RPS6KA2: variants seen among roughly 807,000 people sequenced by gnomAD.
The protein encoded by RPS6KA2 is ribosomal protein S6 kinase A2, also known as ribosomal protein S6 kinase alpha-2.
RPS6KA2 carries 42 observed loss-of-function variants against 91.8 expected under a neutral mutation model. That is an observed-to-expected ratio of 0.46 (90% CI 0.36 to 0.59). The LOEUF is 0.59. RPS6KA2 is among the 20% of genes least tolerant of loss of function. The pLI, the probability that RPS6KA2 is intolerant of heterozygous loss-of-function variation, is 0.00. For synonymous variants in RPS6KA2, 414 were observed against 393.6 expected, an observed-to-expected ratio of 1.05 and a Z score of -0.61; for missense variants, 798 against 978.5, an observed-to-expected ratio of 0.82 and a Z score of 2.46.
intron 6 of RPS6KA2, among the ~76,000 whole-genome samples, chr6:166,503,261 C>T (rs1202565509): frequency 1.3e-5 from 2 of 152,194 alleles, no homozygotes; most frequent in East Asian, 1.9e-4. Flanking sequence ...TGGCGTTCCA[C>T]GGACTGGTGG....
intron 1 of RPS6KA2, among the ~76,000 whole-genome samples, chr6:166,619,016 C>T (rs781480726): frequency 2.0e-5 from 3 of 150,186 alleles, no homozygotes; most frequent in African/African-American, 5.0e-5. Flanking sequence ...ATCAGATTCG[C>T]GCACCAGCCC....
At chr6:166,424,991 C>G (rs954534387) in intron 16 of RPS6KA2, among the ~76,000 whole-genome samples, 2 of 152,158 alleles carry the variant, frequency 1.3e-5, no homozygotes, top group Admixed American at 6.6e-5. Flanking sequence ...GCAAAGCTCT[C>G]TGCCCTCCCC....
intron 1 of RPS6KA2, among the ~76,000 whole-genome samples, chr6:166,579,413 GA>G (rs1373256707): frequency 1.3e-5 from 2 of 152,104 alleles, no homozygotes; most frequent in Non-Finnish European, 1.5e-5. Flanking sequence ...TGGGGAGGAA[GA>G]AATGTATGCA....
intron 2 of RPS6KA2, among the ~76,000 whole-genome samples, chr6:166,751,924 G>C (rs1011930037): frequency 3.9e-5 from 6 of 151,952 alleles, no homozygotes; most frequent in Non-Finnish European, 7.4e-5. Flanking sequence ...GGAACACAGA[G>C]GCCAGACTCC....
intron 1 of RPS6KA2, chr6:166,586,414 T>C: frequency 6.2e-7 from 1 of 1,600,072 alleles, no homozygotes; most frequent in Non-Finnish European, 8.5e-7. Flanking sequence ...TCCTTGTCAT[T>C]TTCTGTGAAT....
At chr6:166,552,164 G>C (rs1174082823) in intron 1 of RPS6KA2, among the ~76,000 whole-genome samples, 1 of 152,226 alleles carries the variant, frequency 6.6e-6, no homozygotes, top group African/African-American at 2.4e-5. Flanking sequence ...GCTGTGCATG[G>C]ATTAAATACA....
chr6:166,723,498 C>A (rs970286385), intron 2 of RPS6KA2, among the ~76,000 whole-genome samples: 1 of 152,188 alleles, frequency 6.6e-6, no homozygotes, highest in African/African-American at 2.4e-5. Flanking sequence ...AGGGGACCCC[C>A]AGTAGTACCA....
intron 1 of RPS6KA2, among the ~76,000 whole-genome samples, chr6:166,593,468 A>C (rs1163526042): frequency 6.6e-6 from 1 of 152,246 alleles, no homozygotes; most frequent in Non-Finnish European, 1.5e-5. Context: ...TTAACAGAGT[A>C]AAATTATAAT....
intron 2 of RPS6KA2, among the ~76,000 whole-genome samples, chr6:166,637,704 C>G (rs1462702576): frequency 6.6e-6 from 1 of 152,244 alleles, no homozygotes; most frequent in Non-Finnish European, 1.5e-5. Flanking sequence ...GGGCGTTTGT[C>G]CCACTGGTGG....
chr6:166,558,162 G>A (rs1252804925), intron 1 of RPS6KA2, among the ~76,000 whole-genome samples: 1 of 151,990 alleles, frequency 6.6e-6, no homozygotes, highest in Non-Finnish European at 1.5e-5. Flanking sequence ...GAGAGAGAGA[G>A]AGAGAGAGAA....
intron 1 of RPS6KA2, among the ~76,000 whole-genome samples, chr6:166,607,594 G>T (rs1234738612): frequency 6.6e-6 from 1 of 152,176 alleles, no homozygotes; most frequent in East Asian, 1.9e-4. Context: ...GACAGAAAGT[G>T]GATGTAGGGC....
chr6:166,656,998 C>T (rs1369620441), intron 2 of RPS6KA2, among the ~76,000 whole-genome samples: 1 of 152,156 alleles, frequency 6.6e-6, no homozygotes, highest in East Asian at 1.9e-4. Context: ...CTCTGACTCC[C>T]TGCCAGAACC....
intron 10 of RPS6KA2, among the ~76,000 whole-genome samples, chr6:166,471,599 C>T (rs149413855): frequency 6.6e-6 from 1 of 152,238 alleles, no homozygotes. Flanking sequence ...GTTTCTCCTT[C>T]CATGAGGACG....
rs1363924524 is a variant in RPS6KA2 at position 166,862,299 on chromosome 6, G to C, written c.-129C>G. ...CAAGGGACGCAGAGGCCGGCGGGTG[G>C]CGGCGATGGAGAGGACAGATCCGGC... On this transcript the variant is annotated 5_prime_UTR_variant, in exon 1 of 22. Coordinates refer to the RPS6KA2 transcript ENST00000503859. 4 of 1,563,898 alleles carry C rather than the reference G, an allele frequency of 2.6e-6. No homozygotes were observed. The East Asian group carries it at 6.8e-5, about 27-fold the overall frequency.
At chr6:166,731,544 G>C (rs1316045354) in intron 2 of RPS6KA2, among the ~76,000 whole-genome samples, 5 of 152,198 alleles carry the variant, frequency 3.3e-5, no homozygotes, top group African/African-American at 1.2e-4. Flanking sequence ...CAGCACTTCA[G>C]AAAACCCCTG....
At chr6:166,783,048 GTATTATTATTATTATTATTATTAT>G (rs71686287) in intron 2 of RPS6KA2, among the ~76,000 whole-genome samples, 35 of 134,698 alleles carry the variant, frequency 2.6e-4, no homozygotes, top group Admixed American at 9.0e-4. Flanking sequence ...TATCTTTTAG[GTATTATTATTATTATTATTATTAT>G]TATTATTATT....
chr6:166,594,650 G>C (rs1273147797), intron 1 of RPS6KA2, among the ~76,000 whole-genome samples: 1 of 152,166 alleles, frequency 6.6e-6, no homozygotes, highest in Non-Finnish European at 1.5e-5. Context: ...TTTTAGTAGA[G>C]ACGGAGCTTC....
intron 2 of RPS6KA2, among the ~76,000 whole-genome samples, chr6:166,699,456 TATG>T (rs765715460): frequency 2.6e-5 from 4 of 152,268 alleles, no homozygotes; most frequent in Non-Finnish European, 5.9e-5. Context: ...GTCTAATTGA[TATG>T]ATCTTCAGAA....
At chr6:166,499,247 G>A (rs112842639) in intron 7 of RPS6KA2, among the ~76,000 whole-genome samples, 2,466 of 152,344 alleles carry the variant, frequency 0.016, 69 homozygotes, top group African/African-American at 0.056. Context: ...GGGCTGGAAA[G>A]AACAAGAGTG....
Sources: gnomAD v4.1 joint callset for allele counts (sites outside exome capture counted in the v4.1 genomes callset) on GRCh38, gnomAD v4.1.1 for gene constraint, MANE v1.5 for transcripts, NCBI Gene and HGNC (gene_info 2026-07-23, HGNC 2026-07-21) for gene names.